MED20: variants seen among roughly 807,000 people sequenced by gnomAD.
MED20 encodes the protein mediator complex subunit 20.
Under a neutral mutation model 19.7 loss-of-function variants are expected in MED20, and 19 were observed. The ratio of observed to expected loss-of-function variants is 0.96; its 90% confidence interval spans 0.67 to 1.42. The LOEUF is 1.42. Ranked by LOEUF, MED20 falls within the 40% of genes most tolerant of loss-of-function variation. The pLI is 0.00. For missense variants in MED20, 225 were observed against 273.0 expected (o/e 0.82, Z 1.24); for synonymous variants, 105 against 104.8 (o/e 1.00, Z -0.01).
At chr6:41,912,294 A>G (rs1452989369) in intron 2 of MED20, among the ~76,000 whole-genome samples, 3 of 118,006 alleles carry the variant, frequency 2.5e-5, no homozygotes, top group Non-Finnish European at 5.0e-5. Context: ...TCTCACCTCT[A>G]CCTCCCAAAG....
intron 2 of MED20, among the ~76,000 whole-genome samples, chr6:41,909,998 G>A (rs1582055142): frequency 6.6e-6 from 1 of 152,144 alleles, no homozygotes; most frequent in Admixed American, 6.5e-5. Flanking sequence ...TTGAGATCTA[G>A]TAAATGGTCC....
intron 2 of MED20, among the ~76,000 whole-genome samples, chr6:41,911,633 C>T (rs1775197291): frequency 6.6e-6 from 1 of 152,124 alleles, no homozygotes; most frequent in African/African-American, 2.4e-5. Context: ...TCCAGCCACA[C>T]AAAGGAAAGA....
At chr6:41,907,367 C>T in intron 3 of MED20, 80 bp from the exon 4 acceptor site, 1 of 1,356,606 alleles carries the variant, frequency 7.4e-7, no homozygotes, top group Non-Finnish European at 1.0e-6. Flanking sequence ...CTGCCTCCTG[C>T]TCCCATCTTC....
At chr6:41,908,978 T>G in intron 3 of MED20, 1 of 428,242 alleles carries the variant, frequency 2.3e-6, no homozygotes. Flanking sequence ...AGCCCAGGAG[T>G]CTGAGATCAG....
Position 41,916,777 on chromosome 6 carries a change from T to C in MED20, c.169+8A>G. The C allele has an allele frequency of 6.2e-7, 1 of 1,613,854 alleles. No individual in the cohort carries two copies. The highest frequency in any genetic ancestry group is 8.5e-7 in the Non-Finnish European group (1 of 1,179,824). On this transcript the variant is annotated splice_region_variant and intron_variant, in intron 2 of 3. Coordinates refer to ENST00000265350, the MANE Select transcript of MED20 (RefSeq NM_004275.5). ...GTTCCAGCCATCCTACAGACCCATC[T>C]CACTGACCTTGGCTGCCAAGGGTAG...
intron 2 of MED20, chr6:41,913,140 A>C (rs1010802113): frequency 7.6e-4 from 116 of 151,984 alleles, no homozygotes; most frequent in Non-Finnish European, 1.5e-3. Flanking sequence ...GGGGAAATGC[A>C]AATTATTGTC....
intron 2 of MED20, among the ~76,000 whole-genome samples, chr6:41,910,806 A>C (rs1775173899): frequency 6.6e-6 from 1 of 151,116 alleles, no homozygotes; most frequent in Admixed American, 6.6e-5. Context: ...TTAGCCCCTG[A>C]CTTCAAGAAG....
intron 2 of MED20, among the ~76,000 whole-genome samples, chr6:41,911,503 G>A (rs943644956): frequency 3.9e-5 from 6 of 152,006 alleles, no homozygotes; most frequent in African/African-American, 7.2e-5. Flanking sequence ...AGTTATTACC[G>A]AGGAAAGACC....
intron 1 of MED20, chr6:41,918,059 A>G (rs1775360900): frequency 4.5e-5 from 12 of 264,030 alleles, no homozygotes; most frequent in South Asian, 4.0e-4. Context: ...ATGGTGAGTG[A>G]ACCTCTTATG....
intron 1 of MED20, chr6:41,917,416 T>G (rs115709419): frequency 1.3e-3 from 224 of 178,198 alleles, no homozygotes; most frequent in African/African-American, 5.1e-3. Context: ...AAAAAAAAAT[T>G]TAAGACCAGT....
At position 41,909,347 on chromosome 6, in the gene MED20, G is replaced by C; in HGVS notation, c.345C>G (p.Thr115=). 1 of 1,614,150 alleles carries C rather than the reference G, an allele frequency of 6.2e-7. No homozygotes were observed. The highest frequency in any genetic ancestry group is 1.1e-5 in the South Asian group (1 of 91,084). Residue 115 remains threonine (T), a synonymous_variant, in exon 3 of 4, where the codon ACC becomes ACG. Coordinates refer to ENST00000265350, the MANE Select transcript of MED20 (RefSeq NM_004275.5). Reference sequence around the variant, plus strand: ...CCAGGAAGTCACAGTACTGGTACCTGGTGCCCCGGGTCTCAATCTTGCTGG... The same window carrying C: ...CCAGGAAGTCACAGTACTGGTACCTCGTGCCCCGGGTCTCAATCTTGCTGG... ...AKASKIETRG[T]RYQYCDFLVK... is the part of the protein sequence containing the mutation.
intron 2 of MED20, among the ~76,000 whole-genome samples, chr6:41,911,966 T>A (rs537925902): frequency 3.9e-4 from 60 of 152,298 alleles, no homozygotes; most frequent in Non-Finnish European, 7.3e-4. Flanking sequence ...CTTGGAAATA[T>A]CTTAAAAGTC....
At chr6:41,918,803 C>T (rs897590305) in intron 1 of MED20, among the ~76,000 whole-genome samples, 5 of 150,216 alleles carry the variant, frequency 3.3e-5, no homozygotes, top group Admixed American at 6.6e-5. Flanking sequence ...AAAAATTAGC[C>T]GGGCGCGGTG....
At position 41,909,308 on chromosome 6, in the gene MED20, C is replaced by G. The variant is rs544245120; in HGVS notation, c.384G>C (p.Thr128=). 5 of 1,613,964 alleles carry G rather than the reference C, an allele frequency of 3.1e-6. No homozygotes were observed. Among genetic ancestry groups the G allele is most frequent in the Non-Finnish European group, 4.2e-6 (5 of 1,180,016 alleles). The part of the protein sequence containing the change: ...QYCDFLVKVG[T]VTMGPSARGI... ...CCCGGGCACTGGGCCCCATTGTGAC[C>G]GTGCCCACCTTCACCAGGAAGTCAC... Residue 128 remains threonine, a synonymous_variant, in exon 3 of 4, where the codon ACG becomes ACC. Transcript: ENST00000265350.
At position 41,905,602 on chromosome 6, in the gene MED20, A is replaced by G. The variant is rs963962462; in HGVS notation, c.*1470T>C. The G allele has an allele frequency of 1.3e-5, 2 of 152,228 alleles. No individual in the cohort carries two copies. Among genetic ancestry groups the G allele is most frequent in the African/African-American group, 2.4e-5 (1 of 41,446 alleles). 9.4% of individuals were successfully genotyped at this position (152,228 alleles called of 1,614,324 possible). A position where few individuals can be genotyped will look rare whatever the true frequency, so the allele number is the denominator to read the frequency against. On this transcript the variant is annotated 3_prime_UTR_variant, in exon 4 of 4. Coordinates refer to ENST00000265350, the MANE Select transcript of MED20 (RefSeq NM_004275.5). ...ACAGTTTCTCTTTAGATGCCTTCAA[A>G]TAAGGGACAGTATCCTTGATGACAA...
intron 1 of MED20, chr6:41,917,824 A>G (rs1409864881): frequency 2.1e-6 from 1 of 469,116 alleles, no homozygotes; most frequent in Non-Finnish European, 4.4e-6. Flanking sequence ...TGTTCAGCAC[A>G]GTAGCCCAGA....
intron 3 of MED20, among the ~76,000 whole-genome samples, chr6:41,908,323 T>G (rs1775107019): frequency 1.3e-5 from 2 of 152,206 alleles, no homozygotes; most frequent in South Asian, 4.1e-4. Flanking sequence ...ATCTCAGTGC[T>G]GGGCACATTA....
intron 1 of MED20, chr6:41,917,905 T>C (rs1160543262): frequency 2.6e-6 from 1 of 389,608 alleles, no homozygotes. Flanking sequence ...CAGAAAGTGC[T>C]ATTCAACAGC....
chr6:41,917,985 C>T (rs891734468), intron 1 of MED20: 1 of 250,930 alleles, frequency 4.0e-6, no homozygotes, highest in Middle Eastern at 5.4e-4. Context: ...ACAGTATTCA[C>T]GAAAATTGAA....
Sources: allele counts gnomAD v4.1 joint callset (sites outside exome capture counted in the v4.1 genomes callset), GRCh38; gene constraint gnomAD v4.1.1; transcripts MANE v1.5; gene names NCBI Gene and HGNC (gene_info 2026-07-23, HGNC 2026-07-21).